The following DPP10 variants were observed in gnomAD, a reference collection of about 807,000 sequenced individuals.
The protein encoded by DPP10 is dipeptidyl peptidase like 10.
Under a neutral mutation model 120.9 loss-of-function variants are expected in DPP10, and 33 were observed. The ratio of observed to expected loss-of-function variants is 0.27; its 90% CI spans 0.21 to 0.37. The LOEUF (loss-of-function observed/expected upper bound fraction) is 0.37. Ranked by LOEUF, DPP10 falls within the 10% of genes least tolerant of loss-of-function variation. The probability of loss-of-function intolerance (pLI) is 1.00; values close to 1 mark genes in which losing one functional copy is unlikely to be tolerated. For missense variants in DPP10, 816 were observed against 942.8 expected (o/e 0.87, Z 1.76); for synonymous variants, 337 against 326.1 (o/e 1.03, Z -0.36).
rs541943357 is a variant in DPP10 at position 114,952,005 on chromosome 2, A to G, written c.61-357234A>G. On this transcript the variant is annotated intron_variant, in intron 1 of 25. Coordinates refer to ENST00000410059, the MANE Select transcript of DPP10 (RefSeq NM_020868.6). Reference sequence around the variant, plus strand: ...GTTTTGGCTTAACAATAATTATTACATAAGTACTATATTTTATAAATAGTA... The same window carrying G: ...GTTTTGGCTTAACAATAATTATTACGTAAGTACTATATTTTATAAATAGTA... 1.5e-3 allele frequency among the ~76,000 whole-genome samples: 229 copies of G among 152,046 alleles called. 2 individuals are homozygous for G. Among genetic ancestry groups the G allele is most frequent in the African/African-American group, 5.1e-3 (213 of 41,556 alleles).
intron 1 of DPP10, among the ~76,000 whole-genome samples, chr2:114,677,608 C>G (rs1698753722): frequency 6.6e-6 from 1 of 152,044 alleles, no homozygotes; most frequent in Non-Finnish European, 1.5e-5. Context: ...AACTGACAAG[C>G]AGGGATTAAA....
intron 7 of DPP10, among the ~76,000 whole-genome samples, chr2:115,718,958 A>G (rs1456069624): frequency 2.0e-5 from 3 of 152,182 alleles, no homozygotes; most frequent in African/African-American, 4.8e-5. Flanking sequence ...TTTAAATAAC[A>G]GTTATAATAT....
chr2:114,729,011 T>C (rs556549765), intron 1 of DPP10, among the ~76,000 whole-genome samples: 3 of 152,290 alleles, frequency 2.0e-5, no homozygotes, highest in East Asian at 3.9e-4. Context: ...AGACCCATAA[T>C]GGGAGGGAGG....
In DPP10 at chr2:114,801,120, G is replaced by A. The variant is rs375176205; in HGVS notation, c.60+358282G>A. On this transcript the variant is annotated intron_variant, in intron 1 of 25. Coordinates refer to ENST00000410059, the MANE Select transcript of DPP10 (RefSeq NM_020868.6). The stretch of plus-strand genomic sequence containing the variant: ...CTACTAAAAATACAAAAAATTAGCC[G>A]GGTGTGGTGGAGGGCGCCTGTAGTC... Among the ~76,000 whole-genome samples, 210 of 151,822 alleles carry A rather than the reference G, an allele frequency of 1.4e-3. 1 individual carries two copies. The highest frequency in any genetic ancestry group is 4.8e-3 in the African/African-American group (199 of 41,442).
At chr2:115,215,032 C>T (rs1377294301) in intron 1 of DPP10, among the ~76,000 whole-genome samples, 1 of 152,136 alleles carries the variant, frequency 6.6e-6, no homozygotes, top group African/African-American at 2.4e-5. Context: ...TGCTCCATTA[C>T]CCAATAGGTT....
chr2:114,825,840 A>C (rs907059623), intron 1 of DPP10, among the ~76,000 whole-genome samples: 1 of 152,192 alleles, frequency 6.6e-6, no homozygotes, highest in Non-Finnish European at 1.5e-5. Context: ...GGGCATAATA[A>C]AGTAAAAACT....
intron 1 of DPP10, among the ~76,000 whole-genome samples, chr2:115,034,226 C>G (rs1200728313): frequency 6.6e-6 from 1 of 152,000 alleles, no homozygotes; most frequent in Non-Finnish European, 1.5e-5. Flanking sequence ...GTCTCTTCTT[C>G]CTTTCCTTTT....
chr2:114,954,230 G>A lies in DPP10; in HGVS notation c.61-355009G>A, dbSNP rs10180920. 7.3e-3 allele frequency among the ~76,000 whole-genome samples: 1,115 copies of A among 151,738 alleles called. 16 individuals are homozygous for A. The highest frequency in any genetic ancestry group is 0.025 in the African/African-American group (1,042 of 41,378). ...TGAGTAGCTGGGACTACAGGCGCCC[G>A]CCACCACCCCCGGCTAACTTTTTTT... On this transcript the variant is annotated intron_variant, in intron 1 of 25. Coordinates refer to ENST00000410059, the MANE Select transcript of DPP10 (RefSeq NM_020868.6).
intron 2 of DPP10, among the ~76,000 whole-genome samples, chr2:115,335,803 T>C (rs2063095092): frequency 6.6e-6 from 1 of 152,018 alleles, no homozygotes; most frequent in African/African-American, 2.4e-5. Context: ...ACACTAACCA[T>C]GGAAAATGAA....
chr2:115,255,378 AT>A, intron 1 of DPP10, among the ~76,000 whole-genome samples: 1 of 151,908 alleles, frequency 6.6e-6, no homozygotes, highest in Non-Finnish European at 1.5e-5. Context: ...CCACAAAACC[AT>A]TTTTCCTTCC....
At chr2:114,908,630 T>C (rs561875851) in intron 1 of DPP10, among the ~76,000 whole-genome samples, 1 of 152,032 alleles carries the variant, frequency 6.6e-6, no homozygotes, top group African/African-American at 2.4e-5. Context: ...TATGATGTTT[T>C]CTCTTAAGCT....
At chr2:114,456,459 T>C (rs1170539352) in intron 1 of DPP10, among the ~76,000 whole-genome samples, 1 of 152,142 alleles carries the variant, frequency 6.6e-6, no homozygotes, top group African/African-American at 2.4e-5. Context: ...ATATTAACAA[T>C]AGCAACCATG....
chr2:114,698,992 A>T (rs1215682523), intron 1 of DPP10, among the ~76,000 whole-genome samples: 2 of 152,104 alleles, frequency 1.3e-5, no homozygotes, highest in Non-Finnish European at 2.9e-5. Context: ...CTTCCCAGGC[A>T]TTATGCTTTA....
At chr2:115,093,277 T>C (rs190807097) in intron 1 of DPP10, among the ~76,000 whole-genome samples, 1 of 152,264 alleles carries the variant, frequency 6.6e-6, no homozygotes, top group East Asian at 1.9e-4. Flanking sequence ...TTCAGTCATA[T>C]AGTCACAACA....
At chr2:115,282,098 G>A (rs1043971023) in intron 1 of DPP10, among the ~76,000 whole-genome samples, 4 of 151,934 alleles carry the variant, frequency 2.6e-5, no homozygotes, top group Admixed American at 2.6e-4. Context: ...TAAGAAGTAC[G>A]TAGAAACAAG....
chr2:114,468,866 C>A (rs531212532), intron 1 of DPP10, among the ~76,000 whole-genome samples: 14 of 152,032 alleles, frequency 9.2e-5, no homozygotes, highest in Admixed American at 8.5e-4. Context: ...CATTTCATTT[C>A]GTGATTTCTA....
intron 1 of DPP10, among the ~76,000 whole-genome samples, chr2:115,049,355 A>G (rs1328213411): frequency 6.6e-6 from 1 of 152,086 alleles, no homozygotes; most frequent in Non-Finnish European, 1.5e-5. Flanking sequence ...TTTTCTTACC[A>G]AGCTTGAGAA....
At chr2:114,589,196 G>A (rs1168707700) in intron 1 of DPP10, among the ~76,000 whole-genome samples, 3 of 152,102 alleles carry the variant, frequency 2.0e-5, no homozygotes, top group African/African-American at 4.8e-5. Flanking sequence ...ACCAAGTGAT[G>A]GCTTGAAGCA....
intron 1 of DPP10, among the ~76,000 whole-genome samples, chr2:115,037,045 G>T (rs575170674): frequency 6.6e-6 from 1 of 152,170 alleles, no homozygotes; most frequent in East Asian, 1.9e-4. Context: ...AGCTGCCATG[G>T]GAGCTATTTG....
Sources: gnomAD v4.1 joint callset for allele counts (sites outside exome capture counted in the v4.1 genomes callset) on GRCh38, gnomAD v4.1.1 for gene constraint, MANE v1.5 for transcripts, NCBI Gene and HGNC (gene_info 2026-07-23, HGNC 2026-07-21) for gene names.